GLI3: variants seen among roughly 807,000 people sequenced by gnomAD.
GLI3 encodes the protein GLI family zinc finger 3.
Under a neutral mutation model 100.8 loss-of-function variants are expected in GLI3, and 20 were observed. That is an observed-to-expected ratio of 0.20 (90% CI 0.14 to 0.29). GLI3 has a LOEUF of 0.29. GLI3 is among the 10% of genes least tolerant of loss of function. The pLI is 1.00. For synonymous variants in GLI3, 938 were observed against 860.5 expected (o/e 1.09, Z -1.58); for missense variants, 2,040 against 2,128.5 (o/e 0.96, Z 0.82).
intron 2 of GLI3, among the ~76,000 whole-genome samples, chr7:42,211,565 T>C (rs111615664): frequency 6.6e-6 from 1 of 152,264 alleles, no homozygotes; most frequent in African/African-American, 2.4e-5. Context: ...TACATTGATG[T>C]AAGTTCCATT....
chr7:41,965,490 T>C lies in GLI3; in HGVS notation c.3583A>G (p.Asn1195Asp), dbSNP rs1388897135. ...TTCTGCGGGTGGACGACCATGCCGTTGCAGAACCCAAAGGCGCGAGTCTGC... is the reference window on the plus strand; with the variant it reads ...TTCTGCGGGTGGACGACCATGCCGTCGCAGAACCCAAAGGCGCGAGTCTGC... ...VPQTRAFGFC[N>D]GMVVHPQNPL... The change falls in exon 15 of 15, where the codon AAC (asparagine) becomes GAC (aspartate). Residue 1195 changes from asparagine to aspartate, a missense_variant. Physicochemically the swap from Asn to Asp is conservative, Grantham distance 23. Around this residue, in one of 5 missense-constraint regions of GLI3, gnomAD observed 1,041 missense variants for 924.0 expected, o/e 1.13. Coordinates refer to ENST00000395925, the MANE Select transcript of GLI3 (RefSeq NM_000168.6). 1 of 1,609,140 alleles carries C rather than the reference T, an allele frequency of 6.2e-7. No homozygotes were observed. Among genetic ancestry groups the C allele is most frequent in the South Asian group, 1.1e-5 (1 of 91,010 alleles).
intron 4 of GLI3, among the ~76,000 whole-genome samples, chr7:42,054,613 T>C (rs1239326651): frequency 6.6e-6 from 1 of 152,196 alleles, no homozygotes; most frequent in African/African-American, 2.4e-5. Flanking sequence ...AGGGTAGTTG[T>C]TCTTTTTAAT....
chr7:42,244,687 A>G (rs1259627279), intron 1 of GLI3, among the ~76,000 whole-genome samples: 1 of 152,144 alleles, frequency 6.6e-6, no homozygotes, highest in African/African-American at 2.4e-5. Flanking sequence ...TCAGAAAGTC[A>G]GAATAAAACA....
intron 2 of GLI3, 52 bp downstream of exon 2, chr7:42,223,078 G>A (rs2128702634): frequency 1.9e-6 from 3 of 1,606,980 alleles, no homozygotes; most frequent in East Asian, 4.5e-5. Context: ...GGAATGCAGA[G>A]AACACAGAAA....
intron 12 of GLI3, among the ~76,000 whole-genome samples, chr7:41,974,911 G>C (rs1163253066): frequency 6.6e-6 from 1 of 152,206 alleles, no homozygotes; most frequent in Non-Finnish European, 1.5e-5. Context: ...CCAGCTTCTG[G>C]AAGGTTTCAT....
At chr7:42,049,940 G>A (rs1404297594) in intron 4 of GLI3, among the ~76,000 whole-genome samples, 3 of 152,118 alleles carry the variant, frequency 2.0e-5, no homozygotes, top group Admixed American at 1.3e-4. Context: ...AAGGGAGGGG[G>A]AAACACATTT....
In GLI3 at chr7:42,142,028, A is replaced by T. The variant is rs1207639589; in HGVS notation, c.367+6198T>A. 2.6e-5 allele frequency among the ~76,000 whole-genome samples: 4 copies of T among 152,304 alleles called. No individual in the cohort carries two copies. In the South Asian group the frequency reaches 8.3e-4, roughly 32 times the overall value. ...GTAAGTACTGCCTCGGACTAATCAC[A>T]TTATTCCAAAGGAGGTCGGGCCACC... is the stretch of plus-strand genomic sequence containing the variant. On this transcript the variant is annotated intron_variant, in intron 3 of 14. Coordinates refer to ENST00000395925, the MANE Select transcript of GLI3 (RefSeq NM_000168.6).
chr7:42,070,313 T>C (rs1784759919), intron 4 of GLI3, among the ~76,000 whole-genome samples: 1 of 152,232 alleles, frequency 6.6e-6, no homozygotes, highest in Admixed American at 6.5e-5. Flanking sequence ...CGCACACTGC[T>C]GTATTTCCAC....
chr7:42,164,412 T>G (rs1787196236), intron 2 of GLI3, among the ~76,000 whole-genome samples: 1 of 152,100 alleles, frequency 6.6e-6, no homozygotes, highest in African/African-American at 2.4e-5. Flanking sequence ...CCCAACTTCT[T>G]GGGAGGCTGG....
intron 10 of GLI3, among the ~76,000 whole-genome samples, chr7:41,991,758 A>C (rs994316425): frequency 3.5e-4 from 54 of 152,222 alleles, no homozygotes; most frequent in African/African-American, 1.3e-3. Flanking sequence ...TAAACAGGGT[A>C]ACTGAGCTGA....
At chr7:42,045,651 A>G (rs1784231564) in intron 5 of GLI3, 121 bp from the exon 6 acceptor site, 1 of 828,510 alleles carries the variant, frequency 1.2e-6, no homozygotes, top group African/African-American at 1.7e-5. Context: ...GGCTTATTAG[A>G]GTAAAGCTCC....
intron 2 of GLI3, among the ~76,000 whole-genome samples, chr7:42,180,989 C>G (rs1583626636): frequency 6.6e-6 from 1 of 152,156 alleles, no homozygotes; most frequent in East Asian, 1.9e-4. Context: ...TCAAAGGCTA[C>G]AGTGTAAATA....
intron 3 of GLI3, among the ~76,000 whole-genome samples, chr7:42,107,788 G>A (rs1045871725): frequency 1.3e-5 from 2 of 152,172 alleles, no homozygotes; most frequent in Admixed American, 6.5e-5. Flanking sequence ...ATCTCTTCAC[G>A]CCTGCTCAAA....
At chr7:42,210,286 G>T (rs371221741) in intron 2 of GLI3, among the ~76,000 whole-genome samples, 1 of 144,122 alleles carries the variant, frequency 6.9e-6, no homozygotes. Flanking sequence ...TATAAAAATT[G>T]TACTCTTGTT....
At chr7:42,174,294 A>G (rs965273159) in intron 2 of GLI3, among the ~76,000 whole-genome samples, 1 of 152,156 alleles carries the variant, frequency 6.6e-6, no homozygotes. Flanking sequence ...CACAAAATAA[A>G]TATTTCTTTT....
At chr7:42,106,485 G>T (rs1224934046) in intron 3 of GLI3, among the ~76,000 whole-genome samples, 2 of 152,212 alleles carry the variant, frequency 1.3e-5, no homozygotes, top group Non-Finnish European at 2.9e-5. Flanking sequence ...AAGGCATCTG[G>T]TAGCTTCCTG....
chr7:42,105,891 G>A (rs1562732864), intron 3 of GLI3, among the ~76,000 whole-genome samples: 1 of 152,098 alleles, frequency 6.6e-6, no homozygotes, highest in Non-Finnish European at 1.5e-5. Context: ...AGCGGGGTGT[G>A]AGGTCACGCC....
intron 8 of GLI3, 84 bp downstream of exon 8, chr7:42,026,115 C>G (rs1274009344): frequency 7.2e-6 from 6 of 829,424 alleles, no homozygotes; most frequent in Admixed American, 2.0e-5. Flanking sequence ...ACAGAGGTGC[C>G]GTGTTGATTA....
At chr7:42,018,231 T>C (rs1004451676) in intron 10 of GLI3, among the ~76,000 whole-genome samples, 1 of 152,228 alleles carries the variant, frequency 6.6e-6, no homozygotes, top group African/African-American at 2.4e-5. Context: ...GGCTTTGAAG[T>C]TTGTAGTTCT....
Sources: allele counts gnomAD v4.1 joint callset (sites outside exome capture counted in the v4.1 genomes callset), GRCh38; gene constraint gnomAD v4.1.1; regional missense constraint gnomAD v4.1.1; transcripts MANE v1.5; gene names NCBI Gene and HGNC (gene_info 2026-07-23, HGNC 2026-07-21).